Variants in HIPK2 observed in about 807,000 individuals in gnomAD.
HIPK2 encodes homeodomain interacting protein kinase 2, also known as homeodomain-interacting protein kinase 2.
A neutral mutation model predicts 113.7 loss-of-function variants in HIPK2; 27 were observed. The ratio of observed to expected loss-of-function variants is 0.24; its 90% CI spans 0.17 to 0.33. The LOEUF is 0.33. Among genes scored for constraint, HIPK2 ranks in the 10% least tolerant of loss-of-function variants. The pLI, the probability that HIPK2 is intolerant of heterozygous loss-of-function variation, is 1.00. For missense variants in HIPK2, 1,257 were observed against 1,588.0 expected (o/e 0.79, Z 3.54); for synonymous variants, 631 against 642.2 (o/e 0.98, Z 0.26).
At chr7:139,623,575 G>A (rs1208467017) in intron 6 of HIPK2, among the ~76,000 whole-genome samples, 2 of 151,858 alleles carry the variant, frequency 1.3e-5, no homozygotes, top group Non-Finnish European at 2.9e-5. Flanking sequence ...GAGTAGGGGA[G>A]GGATGGGTCC....
At chr7:139,645,808 C>T (rs1043792046) in intron 2 of HIPK2, among the ~76,000 whole-genome samples, 1 of 152,150 alleles carries the variant, frequency 6.6e-6, no homozygotes, top group Non-Finnish European at 1.5e-5. Context: ...GGCCATGGCC[C>T]GTCTGCTCAC....
intron 2 of HIPK2, among the ~76,000 whole-genome samples, chr7:139,680,633 C>A (rs1802667959): frequency 6.6e-6 from 1 of 152,212 alleles, no homozygotes; most frequent in Non-Finnish European, 1.5e-5. Flanking sequence ...TGTAGCAAAT[C>A]ATTTTTTAAA....
At chr7:139,649,977 G>A (rs1206899355) in intron 2 of HIPK2, among the ~76,000 whole-genome samples, 1 of 152,084 alleles carries the variant, frequency 6.6e-6, no homozygotes, top group African/African-American at 2.4e-5. Flanking sequence ...GAGGTGGTAT[G>A]GGTAGGATTT....
At position 139,733,542 on chromosome 7, in the gene HIPK2, C is replaced by T. The variant is rs1265745481; in HGVS notation, c.20-16527G>A. Among the ~76,000 whole-genome samples the T allele has an allele frequency of 2.0e-5, 3 of 152,152 alleles. No homozygotes were observed. The East Asian group carries it at 5.8e-4, about 29-fold the overall frequency. On this transcript the variant is annotated intron_variant, in intron 1 of 14. Transcript: ENST00000406875. Reference sequence around the variant, plus strand: ...AGCACTTAATCAGGGGAAAAGAGAACACTCCTGATATATGTGATTTTTATA... The same window carrying T: ...AGCACTTAATCAGGGGAAAAGAGAATACTCCTGATATATGTGATTTTTATA...
intron 2 of HIPK2, among the ~76,000 whole-genome samples, chr7:139,685,998 T>C (rs1034178672): frequency 1.3e-5 from 2 of 152,232 alleles, no homozygotes; most frequent in African/African-American, 4.8e-5. Context: ...CCATAGACAG[T>C]GAGTCCTCTG....
chr7:139,761,888 T>C (rs1213400025), intron 1 of HIPK2, among the ~76,000 whole-genome samples: 1 of 152,176 alleles, frequency 6.6e-6, no homozygotes, highest in African/African-American at 2.4e-5. Flanking sequence ...CACACATCTA[T>C]GCATACAAAA....
At chr7:139,737,535 C>T (rs1182367303) in intron 1 of HIPK2, among the ~76,000 whole-genome samples, 1 of 152,180 alleles carries the variant, frequency 6.6e-6, no homozygotes, top group Admixed American at 6.5e-5. Flanking sequence ...TTCACCCAAA[C>T]CATGGCTGAA....
At chr7:139,765,299 A>G (rs1796535398) in intron 1 of HIPK2, among the ~76,000 whole-genome samples, 1 of 152,200 alleles carries the variant, frequency 6.6e-6, no homozygotes, top group East Asian at 1.9e-4. Flanking sequence ...GGAATAACTC[A>G]TGATAGTAAA....
At chr7:139,614,798 AG>A (rs1206685111) in intron 7 of HIPK2, among the ~76,000 whole-genome samples, 26 of 152,232 alleles carry the variant, frequency 1.7e-4, no homozygotes, top group African/African-American at 6.3e-4. Flanking sequence ...AATGCTGAAA[AG>A]GCTAAAAATT....
rs1799923999 is a variant in HIPK2 at position 139,613,826 on chromosome 7, CAA to C, written c.1990+458_1990+459del. ...AGGAGAGGAGTGCTGGGGTCATGGC[CAA>C]AGAATTGTTTTGAGGAGGGGTCCCA... is the stretch of plus-strand genomic sequence containing the variant. On this transcript the variant is annotated intron_variant, in intron 8 of 14. Coordinates refer to ENST00000406875, the MANE Select transcript of HIPK2 (RefSeq NM_022740.5). This position sits in a 1 kb window ranked among gnomAD's most constrained non-coding sequence, Gnocchi z 4.2. 6.6e-6 allele frequency among the ~76,000 whole-genome samples: 1 copy of C among 152,070 alleles called. No homozygotes were observed. The highest frequency in any genetic ancestry group is 1.5e-5 in the Non-Finnish European group (1 of 68,022).
intron 2 of HIPK2, among the ~76,000 whole-genome samples, chr7:139,638,947 C>T (rs564721142): frequency 7.2e-5 from 11 of 152,326 alleles, no homozygotes; most frequent in Non-Finnish European, 1.5e-4. Flanking sequence ...TGAGCCACCA[C>T]GCCCAGCCAA....
chr7:139,623,849 C>T (rs1261272828), intron 6 of HIPK2, among the ~76,000 whole-genome samples: 3 of 152,166 alleles, frequency 2.0e-5, no homozygotes, highest in African/African-American at 7.2e-5. Flanking sequence ...TCTCCAGGCT[C>T]TTCTCACAGG....
chr7:139,744,262 G>A lies in HIPK2; in HGVS notation c.20-27247C>T, dbSNP rs923547468. ...ACAAAGCAATGAAGAACCGATACCT[G>A]CTACAACATGGATGAACCTCAAAAA... On this transcript the variant is annotated intron_variant, in intron 1 of 14. Transcript: ENST00000406875. 2.6e-5 allele frequency among the ~76,000 whole-genome samples: 4 copies of A among 152,190 alleles called. No homozygotes were observed. The South Asian group carries it at 8.3e-4, about 31-fold the overall frequency.
intron 2 of HIPK2, among the ~76,000 whole-genome samples, chr7:139,646,187 T>C (rs1801214754): frequency 6.6e-6 from 1 of 152,014 alleles, no homozygotes; most frequent in Non-Finnish European, 1.5e-5. Context: ...CGCGACCCAC[T>C]GGGTAAGGGA....
intron 1 of HIPK2, among the ~76,000 whole-genome samples, chr7:139,736,593 C>T (rs1795945793): frequency 6.6e-6 from 1 of 152,176 alleles, no homozygotes; most frequent in South Asian, 2.1e-4. Flanking sequence ...AATCAGCTCT[C>T]AGGCACTCCT....
chr7:139,705,321 C>T (rs1794857506), intron 2 of HIPK2, among the ~76,000 whole-genome samples: 1 of 152,166 alleles, frequency 6.6e-6, no homozygotes, highest in African/African-American at 2.4e-5. Context: ...CTCATTCAGT[C>T]CCTACCAACC....
intron 1 of HIPK2, among the ~76,000 whole-genome samples, chr7:139,747,267 T>C (rs1796204905): frequency 6.6e-6 from 1 of 152,174 alleles, no homozygotes; most frequent in Non-Finnish European, 1.5e-5. Flanking sequence ...TGAGCCTCAG[T>C]AGCTTTTGAC....
At chr7:139,684,345 G>C (rs1278100316) in intron 2 of HIPK2, among the ~76,000 whole-genome samples, 1 of 152,182 alleles carries the variant, frequency 6.6e-6, no homozygotes, top group Non-Finnish European at 1.5e-5. Context: ...AAGTGTTCAA[G>C]CGAAAGAAAG....
intron 1 of HIPK2, among the ~76,000 whole-genome samples, chr7:139,756,172 G>A (rs1306371960): frequency 4.6e-5 from 7 of 151,948 alleles, no homozygotes; most frequent in Admixed American, 3.9e-4. Context: ...AGAAAATTGG[G>A]GCAATATAAA....
Sources: allele counts gnomAD v4.1 joint callset (sites outside exome capture counted in the v4.1 genomes callset), GRCh38; gene constraint gnomAD v4.1.1; non-coding constraint Gnocchi (gnomAD v3.1); transcripts MANE v1.5; gene names NCBI Gene and HGNC (gene_info 2026-07-23, HGNC 2026-07-21).